GPAT4: variants seen among roughly 807,000 people sequenced by gnomAD.
GPAT4 encodes the protein glycerol-3-phosphate acyltransferase 4.
GPAT4 carries 17 observed loss-of-function variants against 58.0 expected under a neutral mutation model. The observed-to-expected ratio is 0.29, with a 90% CI of 0.20 to 0.44. The LOEUF is 0.44. Ranked by LOEUF, GPAT4 falls within the 20% of genes least tolerant of loss-of-function variation. The pLI is 1.00. For missense variants in GPAT4, 377 were observed against 574.5 expected (o/e 0.66, Z 3.51); for synonymous variants, 204 against 210.1 (o/e 0.97, Z 0.25).
At chr8:41,608,222 C>A (rs552614432) in intron 2 of GPAT4, among the ~76,000 whole-genome samples, 1 of 152,228 alleles carries the variant, frequency 6.6e-6, no homozygotes, top group South Asian at 2.1e-4. Context: ...ATTAAACTCG[C>A]GTGCAGCATT....
intron 5 of GPAT4, 55 bp downstream of exon 5, chr8:41,610,865 C>T (rs1199232148): frequency 6.6e-7 from 1 of 1,516,294 alleles, no homozygotes; most frequent in African/African-American, 1.4e-5. Context: ...GGGAATGGTG[C>T]TCAGATATCG....
rs1803011799 is a variant in GPAT4, at chr8:41,599,068, C to T, written c.-72C>T. On this transcript the variant is annotated 5_prime_UTR_variant, in exon 2 of 13. Coordinates refer to ENST00000396987, the MANE Select transcript of GPAT4 (RefSeq NM_178819.4). ...GCTTCCTTTCCCTGGCTGGTGCTGT[C>T]AGGAAGGACCATCTGAAGGCTGCAA... 12 of 1,537,056 alleles carry T rather than the reference C, an allele frequency of 7.8e-6. No homozygotes were observed. The highest frequency in any genetic ancestry group is 1.3e-5 in the South Asian group (1 of 77,840).
intron 1 of GPAT4, among the ~76,000 whole-genome samples, chr8:41,588,650 G>A (rs1338103004): frequency 2.0e-5 from 3 of 151,998 alleles, no homozygotes; most frequent in Non-Finnish European, 4.4e-5. Context: ...TCTTTTCACC[G>A]CTGAACAACA....
rs780888331 is a variant in GPAT4, at chr8:41,621,065, G to A, written c.*64G>A. On this transcript the variant is annotated 3_prime_UTR_variant, in exon 13 of 13. Coordinates refer to ENST00000396987, the MANE Select transcript of GPAT4 (RefSeq NM_178819.4). ...CAACGGGCTCAGAGCTGGAGTTGCC[G>A]CCGCCGCCCCCACTGCTGTGTCCTT... 175 of 1,542,290 alleles carry A rather than the reference G, an allele frequency of 1.1e-4. No homozygotes were observed. The highest frequency in any genetic ancestry group is 1.4e-4 in the Non-Finnish European group (156 of 1,142,382).
rs763221766 is a variant in GPAT4, at chr8:41,612,831, G to A, written c.796-14G>A. 1.9e-6 allele frequency: 3 copies of A among 1,611,434 alleles called. No individual in the cohort carries two copies. The highest frequency in any genetic ancestry group is 1.1e-5 in the South Asian group (1 of 90,924). On this transcript the variant is annotated splice_polypyrimidine_tract_variant and intron_variant, in intron 7 of 12. Transcript: ENST00000396987. ...GATGGCTTCACTACTAATGAGTCCTGTGCCTGCGCTTAGGTGGGTCAAGTG... is the reference window on the plus strand; with the variant it reads ...GATGGCTTCACTACTAATGAGTCCTATGCCTGCGCTTAGGTGGGTCAAGTG...
At position 41,610,038 on chromosome 8, in the gene GPAT4, C is replaced by T. The variant is rs562799878; in HGVS notation, c.536+83C>T. The T allele has an allele frequency of 1.1e-4, 166 of 1,517,952 alleles. 2 individuals are homozygous for T. The South Asian group carries it at 1.8e-3, about 16-fold the overall frequency. 94.0% of individuals were successfully genotyped at this position (1,517,952 alleles called of 1,614,324 possible). A position where few individuals can be genotyped will look rare whatever the true frequency, so the allele number is the denominator to read the frequency against. On this transcript the variant is annotated intron_variant, in intron 4 of 12. Transcript: ENST00000396987. Reference sequence around the variant, plus strand: ...CCACCTGCCTGCTCTGCTGTGTATTCCCGTTTTAGAAAGGAGGAGGGAATG... The same window carrying T: ...CCACCTGCCTGCTCTGCTGTGTATTTCCGTTTTAGAAAGGAGGAGGGAATG...
intron 1 of GPAT4, among the ~76,000 whole-genome samples, chr8:41,588,278 G>A (rs926455645): frequency 6.6e-6 from 1 of 152,166 alleles, no homozygotes; most frequent in Non-Finnish European, 1.5e-5. Flanking sequence ...AGTTGGCACA[G>A]GGCCTCTGTC....
At chr8:41,579,635 C>G (rs1469321342) in intron 1 of GPAT4, among the ~76,000 whole-genome samples, 1 of 152,096 alleles carries the variant, frequency 6.6e-6, no homozygotes, top group Non-Finnish European at 1.5e-5. Flanking sequence ...GTCAGGAGTT[C>G]AAGACCAGCC....
chr8:41,614,423 A>G lies in GPAT4; in HGVS notation c.949A>G (p.Ile317Val). Residue 317 changes from isoleucine to valine, a missense_variant, in exon 9 of 13, where the codon ATC becomes GTC. Transcript: ENST00000396987. The stretch of plus-strand genomic sequence containing the variant: ...TGTGCAAGATAAAAGCAAGCTGCCT[A>G]TCCTCATCTTCCCAGAAGGTAAGAA... ...EHVQDKSKLP[I>V]LIFPEGTCIN... 2 of 1,614,116 alleles carry G rather than the reference A, an allele frequency of 1.2e-6. No individual in the cohort carries two copies. The highest frequency in any genetic ancestry group is 1.7e-6 in the Non-Finnish European group (2 of 1,180,022).
chr8:41,618,583 T>A, intron 10 of GPAT4, 101 bp from the exon 11 acceptor site: 1 of 1,458,640 alleles, frequency 6.9e-7, no homozygotes, highest in South Asian at 1.2e-5. Flanking sequence ...AGCACCCCAG[T>A]ACCAGCACGG....
At chr8:41,591,322 C>T (rs1194491138) in intron 1 of GPAT4, among the ~76,000 whole-genome samples, 1 of 152,144 alleles carries the variant, frequency 6.6e-6, no homozygotes, top group African/African-American at 2.4e-5. Flanking sequence ...CCATTTCTGC[C>T]TTTTAGATTT....
chr8:41,583,113 G>A (rs575781694), intron 1 of GPAT4, among the ~76,000 whole-genome samples: 52 of 152,042 alleles, frequency 3.4e-4, no homozygotes, highest in Non-Finnish European at 4.9e-4. Context: ...GTAATCCCAG[G>A]TATGAGGGAG....
At position 41,621,184 on chromosome 8, in the gene GPAT4, C is replaced by A; in HGVS notation, c.*183C>A. The A allele has an allele frequency of 2.4e-6, 2 of 830,710 alleles. No homozygotes were observed. The highest frequency in any genetic ancestry group is 3.6e-5 in the South Asian group (2 of 54,876). 51.5% of individuals were successfully genotyped at this position (830,710 alleles called of 1,614,324 possible). A position where few individuals can be genotyped will look rare whatever the true frequency, so the allele number is the denominator to read the frequency against. ...ATCCCTGTGCACCCGGCGCAGCCTA[C>A]CCTTGGTGGTCTAAACGGATGCTGC... On this transcript the variant is annotated 3_prime_UTR_variant, in exon 13 of 13. Transcript: ENST00000396987.
intron 1 of GPAT4, among the ~76,000 whole-genome samples, chr8:41,586,946 T>G (rs980274710): frequency 6.6e-6 from 1 of 152,212 alleles, no homozygotes; most frequent in Non-Finnish European, 1.5e-5. Flanking sequence ...TCATCTGGGC[T>G]GAGGCCCAGA....
chr8:41,583,321 T>C (rs1437557197), intron 1 of GPAT4, among the ~76,000 whole-genome samples: 6 of 152,124 alleles, frequency 3.9e-5, no homozygotes, highest in Non-Finnish European at 7.4e-5. Context: ...ATTTAAGTTT[T>C]TTTTTTCTAT....
intron 11 of GPAT4, 24 bp downstream of exon 11, chr8:41,618,836 C>T: frequency 6.2e-7 from 1 of 1,614,240 alleles, no homozygotes; most frequent in Non-Finnish European, 8.5e-7. Flanking sequence ...CCAGGCAGGT[C>T]TGCGCCTGCT....
At chr8:41,604,335 C>T (rs1292615295) in intron 2 of GPAT4, among the ~76,000 whole-genome samples, 1 of 152,144 alleles carries the variant, frequency 6.6e-6, no homozygotes, top group African/African-American at 2.4e-5. Flanking sequence ...TATTTGTGTA[C>T]CTGCCAAGGG....
chr8:41,612,706 G>T, intron 7 of GPAT4, 139 bp from the exon 8 acceptor site: 1 of 670,596 alleles, frequency 1.5e-6, no homozygotes, highest in Non-Finnish European at 2.5e-6. Flanking sequence ...GTGGTTTCTT[G>T]GCAGTGAGCA....
chr8:41,587,728 A>AAAATC (rs1409639685), intron 1 of GPAT4, among the ~76,000 whole-genome samples: 1 of 152,314 alleles, frequency 6.6e-6, no homozygotes, highest in East Asian at 1.9e-4. Flanking sequence ...AGGGGGTAAA[A>AAAATC]AAATCACCCT....
Sources: gnomAD v4.1 joint callset for allele counts (sites outside exome capture counted in the v4.1 genomes callset) on GRCh38, gnomAD v4.1.1 for gene constraint, MANE v1.5 for transcripts, NCBI Gene and HGNC (gene_info 2026-07-23, HGNC 2026-07-21) for gene names.